The following NRG1 variants were observed in gnomAD, a reference collection of about 807,000 sequenced individuals.
NRG1 encodes the protein neuregulin 1.
NRG1 carries 18 observed loss-of-function variants against 63.8 expected under a neutral mutation model. The ratio of observed to expected loss-of-function variants is 0.28; its 90% CI spans 0.19 to 0.42. NRG1 has a LOEUF of 0.42. Ranked by LOEUF, NRG1 falls within the 10% of genes least tolerant of loss-of-function variation. NRG1 has a pLI of 1.00. For synonymous variants in NRG1, 302 were observed against 301.3 expected (o/e 1.00, Z -0.02); for missense variants, 762 against 814.7 (o/e 0.94, Z 0.79).
chr8:31,867,451 T>C (rs183054515), intron 1 of NRG1, among the ~76,000 whole-genome samples: 58 of 152,334 alleles, frequency 3.8e-4, no homozygotes, highest in African/African-American at 1.3e-3. Context: ...CTTTGTTAGA[T>C]TTATGTCATT....
intron 1 of NRG1, among the ~76,000 whole-genome samples, chr8:32,377,148 A>G (rs1009606708): frequency 6.6e-6 from 1 of 152,228 alleles, no homozygotes; most frequent in Non-Finnish European, 1.5e-5. Flanking sequence ...CCCAGTGCAC[A>G]TAGAGTGTTC....
intron 1 of NRG1, among the ~76,000 whole-genome samples, chr8:32,265,207 C>T (rs558949633): frequency 6.6e-6 from 1 of 152,130 alleles, no homozygotes; most frequent in African/African-American, 2.4e-5. Context: ...TAGTGGTGTA[C>T]ACCTATAGTC....
intron 1 of NRG1, among the ~76,000 whole-genome samples, chr8:31,925,495 A>G (rs776392): frequency 0.85 from 128,570 of 152,040 alleles, 55,140 homozygotes; most frequent in Non-Finnish European, 0.91. Flanking sequence ...TCTCAATTCT[A>G]TATTTGATGT....
At chr8:31,801,048 C>T (rs935157888) in intron 1 of NRG1, among the ~76,000 whole-genome samples, 3 of 151,260 alleles carry the variant, frequency 2.0e-5, no homozygotes, top group Non-Finnish European at 4.4e-5. Flanking sequence ...GGGGTTTCAC[C>T]GTGTTAGCCA....
At chr8:32,655,067 A>G (rs1289674574) in intron 5 of NRG1, among the ~76,000 whole-genome samples, 3 of 152,184 alleles carry the variant, frequency 2.0e-5, no homozygotes, top group Non-Finnish European at 4.4e-5. Flanking sequence ...AGATTAAATG[A>G]GGTTTTGGAA....
intron 1 of NRG1, among the ~76,000 whole-genome samples, chr8:32,542,453 TAA>T (rs1832667357): frequency 6.6e-6 from 1 of 152,098 alleles, no homozygotes; most frequent in Admixed American, 6.5e-5. Flanking sequence ...CCAAAAAGTG[TAA>T]AGAGAGGTTA....
intron 1 of NRG1, among the ~76,000 whole-genome samples, chr8:32,180,287 A>G (rs928880378): frequency 6.6e-6 from 1 of 151,896 alleles, no homozygotes; most frequent in African/African-American, 2.4e-5. Context: ...TACCCTTCCA[A>G]TTTTCTCCAG....
At chr8:31,844,984 G>A (rs973001675) in intron 1 of NRG1, among the ~76,000 whole-genome samples, 6 of 152,050 alleles carry the variant, frequency 3.9e-5, no homozygotes, top group African/African-American at 9.7e-5. Context: ...GCGGGTGCCT[G>A]TAGTCCCAGC....
At chr8:31,893,774 A>G (rs1831338917) in intron 1 of NRG1, among the ~76,000 whole-genome samples, 1 of 151,990 alleles carries the variant, frequency 6.6e-6, no homozygotes, top group Non-Finnish European at 1.5e-5. Context: ...ACTTATAAAA[A>G]TATATAACAC....
chr8:32,138,739 A>AT (rs1293422340), intron 1 of NRG1, among the ~76,000 whole-genome samples: 36 of 151,418 alleles, frequency 2.4e-4, no homozygotes, highest in Non-Finnish European at 2.2e-4. Context: ...ACTTTCTTGT[A>AT]TTTTTTTTAG....
intron 1 of NRG1, among the ~76,000 whole-genome samples, chr8:32,488,337 A>G (rs535159058): frequency 6.6e-6 from 1 of 152,330 alleles, no homozygotes; most frequent in South Asian, 2.1e-4. Context: ...AGAGGAATTC[A>G]TGGAAGACTG....
intron 1 of NRG1, among the ~76,000 whole-genome samples, chr8:32,167,806 G>A (rs1839559028): frequency 6.6e-6 from 1 of 152,224 alleles, no homozygotes; most frequent in East Asian, 1.9e-4. Flanking sequence ...GAAACAGAAT[G>A]TGTCTTCAGT....
At chr8:32,628,974 T>A (rs1849785202) in intron 5 of NRG1, among the ~76,000 whole-genome samples, 2 of 152,044 alleles carry the variant, frequency 1.3e-5, no homozygotes, top group African/African-American at 4.8e-5. Context: ...CCTCAAGTGA[T>A]CCACCCGCCT....
intron 1 of NRG1, among the ~76,000 whole-genome samples, chr8:31,849,416 A>G (rs1405526443): frequency 6.6e-6 from 1 of 152,222 alleles, no homozygotes; most frequent in Non-Finnish European, 1.5e-5. Flanking sequence ...TTAGGAGAGA[A>G]TATTTAACTC....
chr8:31,919,039 A>G lies in NRG1; in HGVS notation c.37+279608A>G, dbSNP rs1035083191. On this transcript the variant is annotated intron_variant, in intron 1 of 10. Coordinates refer to the NRG1 transcript ENST00000519301. ...TGGTAGTTTGTATTTCTGTGGGATC[A>G]GTGGTGATATCCCCTTTATCATTTT... Among the ~76,000 whole-genome samples, 6 of 152,176 alleles carry G rather than the reference A, an allele frequency of 3.9e-5. No individual in the cohort carries two copies. The South Asian group carries it at 6.2e-4, about 16-fold the overall frequency.
At chr8:32,016,444 C>A (rs892656534) in intron 1 of NRG1, among the ~76,000 whole-genome samples, 5 of 151,964 alleles carry the variant, frequency 3.3e-5, no homozygotes, top group African/African-American at 4.8e-5. Context: ...TGTCACTAAG[C>A]CATTTTAAGG....
At chr8:32,485,812 C>G (rs553233431) in intron 1 of NRG1, among the ~76,000 whole-genome samples, 1 of 152,292 alleles carries the variant, frequency 6.6e-6, no homozygotes, top group Non-Finnish European at 1.5e-5. Flanking sequence ...TCTCATAATA[C>G]GTCTTATTTA....
chr8:32,743,087 G>A lies in NRG1; in HGVS notation c.691+354G>A, dbSNP rs528989453. ...TTGATAAAATAAAAATCATTCTACT[G>A]AACAGTCCATCTTCTTTATACAATG... On this transcript the variant is annotated intron_variant, in intron 7 of 11. Transcript: ENST00000356819. 5 of 1,068,808 alleles carry A rather than the reference G, an allele frequency of 4.7e-6. No homozygotes were observed. In the South Asian group the frequency reaches 1.7e-4, roughly 35 times the overall value. 66.2% of individuals were successfully genotyped at this position (1,068,808 alleles called of 1,614,324 possible). A position where few individuals can be genotyped will look rare whatever the true frequency, so the allele number is the denominator to read the frequency against.
chr8:32,045,137 C>G (rs1454915708), intron 1 of NRG1, among the ~76,000 whole-genome samples: 2 of 151,654 alleles, frequency 1.3e-5, no homozygotes, highest in Non-Finnish European at 3.0e-5. Context: ...ACTACTGACA[C>G]CATAGCATTA....
Sources: gnomAD v4.1 joint callset for allele counts (sites outside exome capture counted in the v4.1 genomes callset) on GRCh38, gnomAD v4.1.1 for gene constraint, MANE v1.5 for transcripts, NCBI Gene and HGNC (gene_info 2026-07-23, HGNC 2026-07-21) for gene names.